ERBB4: variants seen among roughly 807,000 people sequenced by gnomAD.
ERBB4 encodes receptor tyrosine-protein kinase erbB-4.
In ERBB4, 42 loss-of-function variants were observed where a neutral mutation model predicts 158.0. The ratio of observed to expected loss-of-function variants is 0.27; its 90% CI spans 0.21 to 0.34. The LOEUF is 0.34. Among genes scored for constraint, ERBB4 ranks in the 10% least tolerant of loss-of-function variants. The pLI is 1.00. For synonymous variants in ERBB4, 583 were observed against 558.7 expected (o/e 1.04, Z -0.61); for missense variants, 1,333 against 1,624.1 (o/e 0.82, Z 3.08).
chr2:212,159,698 T>C (rs1403810761), intron 1 of ERBB4, among the ~76,000 whole-genome samples: 1 of 151,844 alleles, frequency 6.6e-6, no homozygotes, highest in African/African-American at 2.4e-5. Context: ...CCACACTGCT[T>C]GAAGAAAGCA....
chr2:211,736,752 A>G (rs1037396840), intron 5 of ERBB4, among the ~76,000 whole-genome samples: 2 of 152,138 alleles, frequency 1.3e-5, no homozygotes, highest in Non-Finnish European at 2.9e-5. Flanking sequence ...TATTCCCACC[A>G]TAATTACTGG....
intron 2 of ERBB4, among the ~76,000 whole-genome samples, chr2:211,954,857 C>G (rs2080984670): frequency 6.6e-6 from 1 of 152,044 alleles, no homozygotes; most frequent in Non-Finnish European, 1.5e-5. Context: ...TTAACTATGA[C>G]ATAGCATGAA....
At chr2:212,189,332 A>G (rs1241797332) in intron 1 of ERBB4, among the ~76,000 whole-genome samples, 1 of 152,130 alleles carries the variant, frequency 6.6e-6, no homozygotes, top group Non-Finnish European at 1.5e-5. Flanking sequence ...TCTTTCCTCT[A>G]CAATATTCAG....
rs58034966 is a variant in ERBB4 at position 212,441,014 on chromosome 2, T to C, written c.82+97435A>G. On this transcript the variant is annotated intron_variant, in intron 1 of 27. Transcript: ENST00000342788. ...AGAAAGAACTGAAATTGTGGAAAAA[T>C]AGACATGCTATCATGTGAGTGGCTG... 6.7e-3 allele frequency among the ~76,000 whole-genome samples: 1,024 copies of C among 152,076 alleles called. 8 individuals carry two copies. Among genetic ancestry groups the C allele is most frequent in the African/African-American group, 0.023 (953 of 41,488 alleles).
At chr2:211,405,571 C>T (rs914900449) in intron 25 of ERBB4, among the ~76,000 whole-genome samples, 2 of 152,132 alleles carry the variant, frequency 1.3e-5, no homozygotes, top group Non-Finnish European at 2.9e-5. Context: ...AGAAAACTTC[C>T]TCTGACTCAT....
intron 1 of ERBB4, among the ~76,000 whole-genome samples, chr2:212,233,400 T>C (rs2083735293): frequency 6.6e-6 from 1 of 152,170 alleles, no homozygotes; most frequent in South Asian, 2.1e-4. Context: ...ATAAAGCTCA[T>C]TCTAAGTTAT....
intron 5 of ERBB4, among the ~76,000 whole-genome samples, chr2:211,730,423 T>A (rs962932500): frequency 6.6e-6 from 1 of 152,030 alleles, no homozygotes; most frequent in Non-Finnish European, 1.5e-5. Flanking sequence ...TGTGTCTTTT[T>A]ACACTCTGAC....
chr2:211,507,739 T>C (rs62178828), intron 20 of ERBB4, among the ~76,000 whole-genome samples: 54,465 of 151,618 alleles, frequency 0.36, 9,969 homozygotes, highest in Middle Eastern at 0.44. Context: ...AACTATACTA[T>C]AAGGCTACAG....
At chr2:212,301,405 T>C (rs1223401808) in intron 1 of ERBB4, among the ~76,000 whole-genome samples, 1 of 151,458 alleles carries the variant, frequency 6.6e-6, no homozygotes, top group African/African-American at 2.4e-5. Flanking sequence ...GAATTAAAGA[T>C]TAGAGACCAA....
At chr2:211,777,075 G>C (rs1239145803) in intron 4 of ERBB4, 1 of 152,140 alleles carries the variant, frequency 6.6e-6, no homozygotes, top group African/African-American at 2.4e-5. Context: ...AGGGAGGGGA[G>C]TTTGCAGATG....
intron 20 of ERBB4, among the ~76,000 whole-genome samples, chr2:211,506,914 G>T (rs369180863): frequency 4.5e-4 from 69 of 151,982 alleles, no homozygotes; most frequent in African/African-American, 1.6e-3. Context: ...TCAATACAAG[G>T]GATCCAAAAA....
intron 1 of ERBB4, among the ~76,000 whole-genome samples, chr2:212,334,060 T>C (rs1157514165): frequency 1.3e-5 from 2 of 152,032 alleles, no homozygotes; most frequent in African/African-American, 4.8e-5. Context: ...CTAAAAAATC[T>C]TCAAATATTG....
At chr2:212,063,395 GA>G (rs1386562682) in intron 2 of ERBB4, among the ~76,000 whole-genome samples, 4 of 152,002 alleles carry the variant, frequency 2.6e-5, no homozygotes, top group Non-Finnish European at 5.9e-5. Context: ...TAGTTTGAAG[GA>G]CATACAGATA....
chr2:211,466,418 A>G (rs1308935012), intron 20 of ERBB4, among the ~76,000 whole-genome samples: 1 of 148,532 alleles, frequency 6.7e-6, no homozygotes, highest in Non-Finnish European at 1.5e-5. Context: ...CCAAATTTGT[A>G]GTTAACATCC....
chr2:211,775,020 G>C (rs2075837958), intron 4 of ERBB4, among the ~76,000 whole-genome samples: 1 of 152,178 alleles, frequency 6.6e-6, no homozygotes, highest in Non-Finnish European at 1.5e-5. Context: ...TGGGCCAACT[G>C]TGGTGCTAAT....
intron 19 of ERBB4, among the ~76,000 whole-genome samples, chr2:211,607,936 C>T (rs1392225431): frequency 4.6e-5 from 6 of 130,738 alleles, no homozygotes; most frequent in Non-Finnish European, 7.7e-5. Context: ...GTGGTGCGAT[C>T]TCTGCTCACT....
At chr2:212,249,275 T>A (rs112003078) in intron 1 of ERBB4, among the ~76,000 whole-genome samples, 1 of 151,902 alleles carries the variant, frequency 6.6e-6, no homozygotes, top group African/African-American at 2.4e-5. Flanking sequence ...TTGTGTAAAC[T>A]GTATTATTTA....
At position 211,780,548 on chromosome 2, in the gene ERBB4, AC is replaced by A. The variant is rs534626257; in HGVS notation, c.556+7476del. Among the ~76,000 whole-genome samples the A allele has an allele frequency of 4.7e-5, 7 of 148,572 alleles. No homozygotes were observed. In the South Asian group the frequency reaches 1.6e-3, roughly 35 times the overall value. ...TAATTCCTAGAGTGAGTTTCAGTTG[AC>A]CTGGAAAGCCTCTTCTTATAAATAG... On this transcript the variant is annotated intron_variant, in intron 4 of 27. Coordinates refer to ENST00000342788, the MANE Select transcript of ERBB4 (RefSeq NM_005235.3).
intron 1 of ERBB4, among the ~76,000 whole-genome samples, chr2:212,332,013 G>GA (rs2088200785): frequency 1.3e-5 from 2 of 151,920 alleles, no homozygotes; most frequent in Non-Finnish European, 2.9e-5. Flanking sequence ...GCTTTTTCGA[G>GA]AAAAATTAAC....
Sources: allele counts gnomAD v4.1 joint callset (sites outside exome capture counted in the v4.1 genomes callset), GRCh38; gene constraint gnomAD v4.1.1; transcripts MANE v1.5; gene names NCBI Gene and HGNC (gene_info 2026-07-23, HGNC 2026-07-21).